NTRK2: variants seen among roughly 807,000 people sequenced by gnomAD.
NTRK2 encodes BDNF/NT-3 growth factors receptor.
Under a neutral mutation model 94.5 loss-of-function variants are expected in NTRK2, and 13 were observed. The ratio of observed to expected loss-of-function variants is 0.14; its 90% CI spans 0.09 to 0.22. The LOEUF (loss-of-function observed/expected upper bound fraction) is 0.22. NTRK2 is among the 10% of genes least tolerant of loss of function. The pLI is 1.00. For missense variants in NTRK2, 639 were observed against 1,071.2 expected (o/e 0.60, Z 5.63); for synonymous variants, 372 against 407.4 (o/e 0.91, Z 1.05).
intron 14 of NTRK2, chr9:84,872,771 C>A: frequency 1.9e-6 from 2 of 1,064,492 alleles, no homozygotes; most frequent in South Asian, 4.6e-5. Context: ...GCTTACTAGG[C>A]AATTATGTAA....
At chr9:84,728,331 G>C (rs561360553) in intron 9 of NTRK2, among the ~76,000 whole-genome samples, 129 of 152,310 alleles carry the variant, frequency 8.5e-4, no homozygotes, top group African/African-American at 2.9e-3. Flanking sequence ...AAGGGGCAGG[G>C]AGTTGTACTC....
At chr9:84,813,050 A>G (rs200238303) in intron 12 of NTRK2, 7 of 1,038,096 alleles carry the variant, frequency 6.7e-6, no homozygotes, top group Non-Finnish European at 8.1e-6. Context: ...TATGTCTCCC[A>G]TAAGAAATGT....
At chr9:85,007,678 C>A (rs1303413553) in intron 17 of NTRK2, among the ~76,000 whole-genome samples, 1 of 152,172 alleles carries the variant, frequency 6.6e-6, no homozygotes, top group Non-Finnish European at 1.5e-5. Context: ...CCCTTGACTG[C>A]ATACTTCAGG....
At chr9:84,889,014 G>A (rs1379153768) in intron 14 of NTRK2, among the ~76,000 whole-genome samples, 1 of 79,490 alleles carries the variant, frequency 1.3e-5, no homozygotes, top group African/African-American at 6.7e-5. Context: ...TTTTTGAGAC[G>A]GAGTCTCGCT....
intron 16 of NTRK2, among the ~76,000 whole-genome samples, chr9:84,952,263 C>T (rs1474794654): frequency 3.3e-5 from 5 of 152,170 alleles, no homozygotes; most frequent in African/African-American, 7.2e-5. Flanking sequence ...ACTCTGCCAT[C>T]CTCTCTGCTG....
intron 14 of NTRK2, among the ~76,000 whole-genome samples, chr9:84,899,109 G>T (rs948056658): frequency 4.6e-5 from 7 of 152,156 alleles, no homozygotes; most frequent in African/African-American, 1.7e-4. Flanking sequence ...GAGCTGAGGG[G>T]GTTGATAATT....
At chr9:84,840,859 G>A (rs898534268) in intron 12 of NTRK2, among the ~76,000 whole-genome samples, 5 of 152,012 alleles carry the variant, frequency 3.3e-5, no homozygotes, top group Admixed American at 6.6e-5. Flanking sequence ...GCATTGCTAA[G>A]TCCCATAGCC....
intron 12 of NTRK2, among the ~76,000 whole-genome samples, chr9:84,827,549 T>C (rs550884193): frequency 6.6e-6 from 1 of 152,176 alleles, no homozygotes; most frequent in Non-Finnish European, 1.5e-5. Flanking sequence ...TGGCAAACAA[T>C]GTACATTTTT....
At chr9:84,723,758 A>G in intron 7 of NTRK2, 49 bp downstream of exon 7, 1 of 1,607,562 alleles carries the variant, frequency 6.2e-7, no homozygotes, top group Non-Finnish European at 8.5e-7. Flanking sequence ...AGAGTGTTTC[A>G]GAATGCGAGA....
chr9:84,926,155 TTCCTTCCTTCCTTCCTTTCTTTC>T (rs2077779073), intron 14 of NTRK2, among the ~76,000 whole-genome samples: 1 of 89,862 alleles, frequency 1.1e-5, no homozygotes, highest in African/African-American at 3.9e-5. Context: ...CCTTCCTTCC[TTCCTTCCTTCCTTCCTTTCTTTC>T]TTTCTTTCTT....
intron 17 of NTRK2, among the ~76,000 whole-genome samples, chr9:85,005,551 A>G (rs1273319767): frequency 1.3e-5 from 2 of 152,236 alleles, no homozygotes; most frequent in African/African-American, 4.8e-5. Flanking sequence ...GTATTGAGAT[A>G]TAAATATAGA....
intron 12 of NTRK2, among the ~76,000 whole-genome samples, chr9:84,817,429 G>A (rs2072498268): frequency 6.6e-6 from 1 of 152,162 alleles, no homozygotes; most frequent in Non-Finnish European, 1.5e-5. Context: ...CACTGATTCT[G>A]CCTCAGGTTT....
chr9:84,701,196 C>G (rs1039769372), intron 2 of NTRK2, among the ~76,000 whole-genome samples: 1 of 152,214 alleles, frequency 6.6e-6, no homozygotes, highest in Non-Finnish European at 1.5e-5. Context: ...TTAGTGACAT[C>G]TAGCCTGAGA....
chr9:84,960,674 T>G (rs1216830492), intron 17 of NTRK2, among the ~76,000 whole-genome samples: 4 of 152,160 alleles, frequency 2.6e-5, no homozygotes, highest in Non-Finnish European at 5.9e-5. Context: ...CAGTTCCACC[T>G]CCTCCCTGAC....
At chr9:84,933,154 T>C (rs1160454864) in intron 14 of NTRK2, among the ~76,000 whole-genome samples, 1 of 152,224 alleles carries the variant, frequency 6.6e-6, no homozygotes, top group African/African-American at 2.4e-5. Flanking sequence ...CTCTTTTTAA[T>C]GCACTACCAT....
At chr9:84,982,746 T>G (rs541034726) in intron 17 of NTRK2, among the ~76,000 whole-genome samples, 16 of 152,356 alleles carry the variant, frequency 1.1e-4, no homozygotes, top group African/African-American at 3.4e-4. Context: ...GACAACTGTT[T>G]GACGTTCACC....
chr9:84,907,041 C>A (rs1159911211), intron 14 of NTRK2, among the ~76,000 whole-genome samples: 1 of 152,098 alleles, frequency 6.6e-6, no homozygotes, highest in Non-Finnish European at 1.5e-5. Context: ...CAGTGAGGGT[C>A]ACCGCACTTG....
In NTRK2 at chr9:84,934,355, C is replaced by G. The variant is rs1022414903; in HGVS notation, c.1764+63C>G. On this transcript the variant is annotated intron_variant, in intron 15 of 18. Transcript: ENST00000277120. ...CACACTTACGTGTGGAAATTTAACT[C>G]TATTTTATTATATTTTGGTGGCCAA... 26 of 1,581,926 alleles carry G rather than the reference C, an allele frequency of 1.6e-5. No homozygotes were observed. In the African/African-American group the frequency reaches 3.2e-4, roughly 20 times the overall value.
chr9:84,804,275 C>A (rs1289575318), intron 12 of NTRK2, among the ~76,000 whole-genome samples: 7 of 152,124 alleles, frequency 4.6e-5, no homozygotes, highest in Non-Finnish European at 2.9e-5. Context: ...ATACCAACCA[C>A]TTTAAAAAAA....
Sources: allele counts gnomAD v4.1 joint callset (sites outside exome capture counted in the v4.1 genomes callset), GRCh38; gene constraint gnomAD v4.1.1; transcripts MANE v1.5; gene names NCBI Gene and HGNC (gene_info 2026-07-23, HGNC 2026-07-21).